CSMD1: variants seen among roughly 807,000 people sequenced by gnomAD.
CSMD1 encodes CUB and sushi domain-containing protein 1.
CSMD1 carries 213 observed loss-of-function variants against 417.5 expected under a neutral mutation model. That is an observed-to-expected ratio of 0.51 (90% CI 0.46 to 0.57). The LOEUF (loss-of-function observed/expected upper bound fraction) is 0.57. Ranked by LOEUF, CSMD1 falls within the 20% of genes least tolerant of loss-of-function variation. CSMD1 has a pLI of 0.00. For missense variants in CSMD1, 6,923 were observed against 4,529.7 expected (o/e 1.53, Z -15.17); for synonymous variants, 2,862 against 1,736.8 (o/e 1.65, Z -16.11).
chr8:2,954,807 G>A (rs975839511), intron 64 of CSMD1, among the ~76,000 whole-genome samples: 1 of 152,132 alleles, frequency 6.6e-6, no homozygotes, highest in Admixed American at 6.6e-5. Context: ...CATTTTAAAA[G>A]TTTTCATTCT....
At chr8:3,404,830 G>C (rs1050438841) in intron 15 of CSMD1, among the ~76,000 whole-genome samples, 3 of 152,018 alleles carry the variant, frequency 2.0e-5, no homozygotes, top group African/African-American at 7.2e-5. Context: ...TTGAGCTTAT[G>C]ATCTTTGTAT....
chr8:3,437,992 C>G (rs182705587), intron 12 of CSMD1, among the ~76,000 whole-genome samples: 1 of 152,188 alleles, frequency 6.6e-6, no homozygotes, highest in Admixed American at 6.5e-5. Context: ...CCGCTCACCT[C>G]AGCCTCCCAA....
chr8:4,589,777 G>GA (rs1200404085), intron 2 of CSMD1, among the ~76,000 whole-genome samples: 1 of 152,164 alleles, frequency 6.6e-6, no homozygotes, highest in Admixed American at 6.6e-5. Flanking sequence ...GCCAACTTGG[G>GA]AAAAAATATA....
At chr8:4,851,007 G>C (rs12543382) in intron 1 of CSMD1, among the ~76,000 whole-genome samples, 30,635 of 151,066 alleles carry the variant, frequency 0.2, 4,033 homozygotes, top group Non-Finnish European at 0.29. Flanking sequence ...GTGCAGGTTA[G>C]TTACATATGT....
At chr8:3,823,710 G>A (rs1008624721) in intron 5 of CSMD1, among the ~76,000 whole-genome samples, 2 of 151,922 alleles carry the variant, frequency 1.3e-5, no homozygotes, top group East Asian at 1.9e-4. Flanking sequence ...TTTAACTTAC[G>A]CTTGAATCAA....
At chr8:4,888,951 A>T (rs909677862) in intron 1 of CSMD1, among the ~76,000 whole-genome samples, 7 of 152,132 alleles carry the variant, frequency 4.6e-5, no homozygotes, top group Admixed American at 2.0e-4. Context: ...GAAAATCTTT[A>T]CTTACAATAT....
chr8:4,475,598 GT>G (rs907242901), intron 2 of CSMD1, among the ~76,000 whole-genome samples: 33 of 151,208 alleles, frequency 2.2e-4, no homozygotes, highest in Non-Finnish European at 4.1e-4. Context: ...TTTTCTTAGG[GT>G]TTTTTTTCTT....
At chr8:3,487,199 T>TTTTATA in intron 11 of CSMD1, among the ~76,000 whole-genome samples, 1 of 150,814 alleles carries the variant, frequency 6.6e-6, no homozygotes, top group East Asian at 2.0e-4. Flanking sequence ...ATCAGCATAC[T>TTTTATA]TTTTTATTTA....
chr8:3,910,842 T>C (rs1808411727), intron 5 of CSMD1, among the ~76,000 whole-genome samples: 1 of 152,206 alleles, frequency 6.6e-6, no homozygotes, highest in Non-Finnish European at 1.5e-5. Flanking sequence ...ATCTCTATCT[T>C]ATTTCTGCCT....
chr8:3,677,086 G>C lies in CSMD1; in HGVS notation c.1009+31328C>G, dbSNP rs554647637. Among the ~76,000 whole-genome samples the C allele has an allele frequency of 3.2e-4, 49 of 152,168 alleles. No homozygotes were observed. The Middle Eastern group carries it at 0.014, about 42-fold the overall frequency. On this transcript the variant is annotated intron_variant, in intron 7 of 69. Transcript: ENST00000635120. ...TTAAAAACTAGACATTGGGTAGATA[G>C]GTGCAACAAAAACCATGACACATGT...
chr8:4,775,931 A>C (rs539224279), intron 1 of CSMD1, among the ~76,000 whole-genome samples: 7 of 152,344 alleles, frequency 4.6e-5, no homozygotes, highest in African/African-American at 1.7e-4. Flanking sequence ...GCCATCCTGA[A>C]TTAGTCAAGG....
intron 3 of CSMD1, among the ~76,000 whole-genome samples, chr8:4,082,028 G>A (rs1165719383): frequency 6.6e-6 from 1 of 152,032 alleles, no homozygotes; most frequent in Admixed American, 6.6e-5. Context: ...AAGGCAAATA[G>A]AGAAATTAGG....
intron 45 of CSMD1, 62 bp from the exon 46 acceptor site, chr8:3,106,703 T>C: frequency 1.1e-6 from 1 of 921,526 alleles, no homozygotes; most frequent in South Asian, 1.5e-5. Context: ...TGTGAAGGTG[T>C]GACACATGTA....
chr8:3,665,314 G>C (rs760698633), intron 7 of CSMD1, among the ~76,000 whole-genome samples: 2 of 152,156 alleles, frequency 1.3e-5, no homozygotes, highest in Non-Finnish European at 2.9e-5. Context: ...CGGATGGCCT[G>C]AGGTCAGGAG....
chr8:4,809,217 G>C (rs1161168086), intron 1 of CSMD1, among the ~76,000 whole-genome samples: 2 of 152,094 alleles, frequency 1.3e-5, no homozygotes, highest in Non-Finnish European at 2.9e-5. Context: ...TATTCTTTAG[G>C]AGAAAAGATA....
intron 58 of CSMD1, 79 bp downstream of exon 58, chr8:2,966,489 AAC>A: frequency 7.8e-7 from 1 of 1,288,454 alleles, no homozygotes; most frequent in Non-Finnish European, 1.1e-6. Flanking sequence ...AAAACAGTAT[AAC>A]ACCTTAAAGT....
chr8:4,474,279 C>A (rs116667993), intron 2 of CSMD1, among the ~76,000 whole-genome samples: 97 of 152,164 alleles, frequency 6.4e-4, no homozygotes, highest in African/African-American at 2.3e-3. Context: ...ATAAATAGTT[C>A]AGCAAGGTGA....
chr8:4,345,356 T>C (rs1348322206), intron 3 of CSMD1, among the ~76,000 whole-genome samples: 2 of 152,136 alleles, frequency 1.3e-5, no homozygotes, highest in Non-Finnish European at 2.9e-5. Context: ...AATTTTGTTA[T>C]TTTTGACATG....
chr8:3,698,487 A>T (rs747530765), intron 7 of CSMD1, among the ~76,000 whole-genome samples: 6 of 152,234 alleles, frequency 3.9e-5, no homozygotes, highest in Non-Finnish European at 7.3e-5. Context: ...GCTTTAAAGC[A>T]AGACCTACAG....
Sources: gnomAD v4.1 joint callset for allele counts (sites outside exome capture counted in the v4.1 genomes callset) on GRCh38, gnomAD v4.1.1 for gene constraint, MANE v1.5 for transcripts, NCBI Gene and HGNC (gene_info 2026-07-23, HGNC 2026-07-21) for gene names.